Variants in NRXN3 observed in about 807,000 individuals in gnomAD.
NRXN3 encodes the protein neurexin 3, also known as neurexin III.
NRXN3 carries 32 observed loss-of-function variants against 137.6 expected under a neutral mutation model. The ratio of observed to expected loss-of-function variants is 0.23; its 90% confidence interval spans 0.18 to 0.31. The LOEUF (loss-of-function observed/expected upper bound fraction) is 0.31, where lower values mean the gene tolerates loss of function less well. Among genes scored for constraint, NRXN3 ranks in the 10% least tolerant of loss-of-function variants. The pLI is 1.00. For missense variants in NRXN3, 1,574 were observed against 2,062.5 expected, an observed-to-expected ratio of 0.76 and a Z score of 4.59; for synonymous variants, 798 against 784.5, an observed-to-expected ratio of 1.02 and a Z score of -0.29.
chr14:79,770,318 T>G (rs1050171235), intron 19 of NRXN3, among the ~76,000 whole-genome samples: 2 of 152,108 alleles, frequency 1.3e-5, no homozygotes, highest in East Asian at 1.9e-4. Context: ...CAACAGACTA[T>G]ACATTTTTTT....
chr14:78,374,197 A>G (rs2087384465), intron 4 of NRXN3, among the ~76,000 whole-genome samples: 2 of 152,340 alleles, frequency 1.3e-5, no homozygotes, highest in South Asian at 2.1e-4. Context: ...GTCATGTACC[A>G]TGTTAGAGAA....
chr14:78,680,309 G>C lies in NRXN3; in HGVS notation c.1222-28908G>C, dbSNP rs12587649. On this transcript the variant is annotated intron_variant, in intron 6 of 20. Transcript: ENST00000335750. ...TTAATACTTGGTGATGAAATAATCTGTACAACAAATCCCCATGACACAAGT... is the reference window on the plus strand; with the variant it reads ...TTAATACTTGGTGATGAAATAATCTCTACAACAAATCCCCATGACACAAGT... 6.4e-3 allele frequency among the ~76,000 whole-genome samples: 970 copies of C among 152,142 alleles called. 56 individuals carry two copies. In the East Asian group the frequency reaches 0.14, roughly 22 times the overall value.
chr14:79,857,939 T>G (rs969156302), intron 20 of NRXN3, among the ~76,000 whole-genome samples: 5 of 152,184 alleles, frequency 3.3e-5, no homozygotes, highest in African/African-American at 1.2e-4. Flanking sequence ...CTACCGAGAT[T>G]AATAACAAAA....
At chr14:79,511,358 G>A (rs185888931) in intron 16 of NRXN3, among the ~76,000 whole-genome samples, 51 of 152,282 alleles carry the variant, frequency 3.3e-4, no homozygotes, top group African/African-American at 1.2e-3. Context: ...GAGAGCCAAG[G>A]GAAGGACAAG....
chr14:78,640,083 T>C (rs8009691), intron 4 of NRXN3, among the ~76,000 whole-genome samples: 74,604 of 152,022 alleles, frequency 0.49, 21,820 homozygotes, highest in African/African-American at 0.82. Context: ...AATGATTGCA[T>C]TTGGATCTTA....
chr14:78,813,932 A>G (rs1276937228), intron 10 of NRXN3, among the ~76,000 whole-genome samples: 3 of 152,172 alleles, frequency 2.0e-5, no homozygotes, highest in Non-Finnish European at 2.9e-5. Context: ...TCCTCCCAAG[A>G]AGAAAAGCAA....
intron 15 of NRXN3, among the ~76,000 whole-genome samples, chr14:79,221,901 C>G (rs1347345494): frequency 6.6e-6 from 1 of 152,138 alleles, no homozygotes; most frequent in Admixed American, 6.5e-5. Flanking sequence ...ACGTTTAAGT[C>G]TTTAATCTAT....
chr14:79,692,794 G>A (rs186006791), intron 18 of NRXN3, among the ~76,000 whole-genome samples: 1 of 151,288 alleles, frequency 6.6e-6, no homozygotes, highest in African/African-American at 2.4e-5. Flanking sequence ...TGTTCTTAAA[G>A]AAAAAAATGA....
chr14:78,739,865 G>C (rs1279799464), intron 8 of NRXN3, among the ~76,000 whole-genome samples: 1 of 152,168 alleles, frequency 6.6e-6, no homozygotes, highest in Non-Finnish European at 1.5e-5. Flanking sequence ...TTCTGTGGGT[G>C]TGGTAGGGGC....
intron 15 of NRXN3, among the ~76,000 whole-genome samples, chr14:79,367,332 G>T (rs1408693036): frequency 1.3e-5 from 2 of 152,216 alleles, no homozygotes; most frequent in Non-Finnish European, 2.9e-5. Flanking sequence ...TGACAACCAT[G>T]TGGGTAGTGC....
intron 19 of NRXN3, among the ~76,000 whole-genome samples, chr14:79,722,974 C>T (rs1474881553): frequency 6.6e-6 from 1 of 151,968 alleles, no homozygotes; most frequent in South Asian, 2.1e-4. Context: ...TTCGTTGTCC[C>T]GAATAAGCAT....
intron 8 of NRXN3, among the ~76,000 whole-genome samples, chr14:78,798,918 C>T (rs890292006): frequency 3.3e-5 from 5 of 152,224 alleles, no homozygotes; most frequent in African/African-American, 1.2e-4. Context: ...AGTCCCTAGG[C>T]TGCACACAGC....
In NRXN3 at chr14:78,725,305, T is replaced by C. The variant is rs1352248590; in HGVS notation, c.2044+10166T>C. On this transcript the variant is annotated intron_variant, in intron 8 of 20. Transcript: ENST00000335750. The stretch of plus-strand genomic sequence containing the variant: ...TCAGCTAAGGCTGGCACATTGTTTA[T>C]CTCCATCAGCAATGTTGTAAAGAAA... Among the ~76,000 whole-genome samples the C allele has an allele frequency of 2.6e-5, 4 of 152,346 alleles. No individual in the cohort carries two copies. In the South Asian group the frequency reaches 8.3e-4, roughly 32 times the overall value.
intron 10 of NRXN3, among the ~76,000 whole-genome samples, chr14:78,938,897 T>G (rs1307234920): frequency 6.7e-6 from 1 of 148,218 alleles, no homozygotes; most frequent in Non-Finnish European, 1.5e-5. Flanking sequence ...CAGGCTGGAG[T>G]GCAGTGGCGC....
At chr14:79,611,678 A>G (rs1302964445) in intron 16 of NRXN3, 4 of 152,254 alleles carry the variant, frequency 2.6e-5, no homozygotes, top group Admixed American at 2.6e-4. Flanking sequence ...CGAGCAAGCC[A>G]GATAGCACCA....
At chr14:79,456,758 G>T (rs1235225553) in intron 15 of NRXN3, among the ~76,000 whole-genome samples, 1 of 151,726 alleles carries the variant, frequency 6.6e-6, no homozygotes, top group Non-Finnish European at 1.5e-5. Flanking sequence ...GAGAGGAGAG[G>T]AGAGGAGAGG....
intron 15 of NRXN3, among the ~76,000 whole-genome samples, chr14:79,200,512 A>G (rs2065823114): frequency 6.6e-6 from 1 of 152,136 alleles, no homozygotes; most frequent in South Asian, 2.1e-4. Flanking sequence ...GGAGATGAAG[A>G]TGGAAGGAAA....
chr14:79,050,793 C>A (rs976428420), intron 15 of NRXN3, among the ~76,000 whole-genome samples: 3 of 152,158 alleles, frequency 2.0e-5, no homozygotes, highest in Admixed American at 2.0e-4. Flanking sequence ...GCTACAGATT[C>A]CCCAAGAGAT....
chr14:79,849,618 A>G (rs566599519), intron 20 of NRXN3, among the ~76,000 whole-genome samples: 2 of 152,296 alleles, frequency 1.3e-5, no homozygotes, highest in South Asian at 4.1e-4. Context: ...TGTGTCGATG[A>G]GAGTGTGGAG....
Sources: gnomAD v4.1 joint callset for allele counts (sites outside exome capture counted in the v4.1 genomes callset) on GRCh38, gnomAD v4.1.1 for gene constraint, MANE v1.5 for transcripts, NCBI Gene and HGNC (gene_info 2026-07-23, HGNC 2026-07-21) for gene names.